The following PDGFC variants were observed in gnomAD, a reference collection of about 807,000 sequenced individuals.
PDGFC encodes platelet derived growth factor C.
A neutral mutation model predicts 35.5 loss-of-function variants in PDGFC; 12 were observed. The ratio of observed to expected loss-of-function variants is 0.34; its 90% CI spans 0.22 to 0.55. The LOEUF (loss-of-function observed/expected upper bound fraction) is 0.55, where lower values mean the gene tolerates loss of function less well. Ranked by LOEUF, PDGFC falls within the 20% of genes least tolerant of loss-of-function variation. PDGFC has a pLI of 0.91. For missense variants in PDGFC, 322 were observed against 412.4 expected, an observed-to-expected ratio of 0.78 and a Z score of 1.90; for synonymous variants, 159 against 148.8, an observed-to-expected ratio of 1.07 and a Z score of -0.50.
At chr4:156,946,438 T>G (rs1021888082) in intron 1 of PDGFC, among the ~76,000 whole-genome samples, 4 of 152,084 alleles carry the variant, frequency 2.6e-5, no homozygotes, top group Admixed American at 1.3e-4. Context: ...TAAACAAGCA[T>G]GCTATAGTGA....
intron 1 of PDGFC, among the ~76,000 whole-genome samples, chr4:156,933,714 G>A (rs569349294): frequency 6.6e-6 from 1 of 152,242 alleles, no homozygotes; most frequent in South Asian, 2.1e-4. Flanking sequence ...CCTAGTGGGA[G>A]GTGACTGGAT....
In PDGFC at chr4:156,810,888, T is replaced by C. The variant is rs756039713; in HGVS notation, c.444A>G (p.Glu148=). ...AGAACCCTGGTTCAGAAGGAAAATA[T>C]TCATCAGATACAAATCTTATCCTAA... ...NQIRIRFVSD[E]YFPSEPGFCI... The change falls in exon 3 of 6, where the codon GAA becomes GAG. Residue 148 remains glutamate (E), a synonymous_variant. Coordinates refer to ENST00000502773, the MANE Select transcript of PDGFC (RefSeq NM_016205.3). 6.2e-7 allele frequency: 1 copy of C among 1,609,414 alleles called. No individual in the cohort carries two copies. The highest frequency in any genetic ancestry group is 8.5e-7 in the Non-Finnish European group (1 of 1,176,370).
intron 1 of PDGFC, among the ~76,000 whole-genome samples, chr4:156,937,383 CAAAG>C (rs1464177790): frequency 6.6e-6 from 1 of 152,008 alleles, no homozygotes; most frequent in Non-Finnish European, 1.5e-5. Context: ...AGTGAAGATT[CAAAG>C]AAATTACTTG....
At chr4:156,947,238 T>C (rs1731970361) in intron 1 of PDGFC, among the ~76,000 whole-genome samples, 1 of 152,014 alleles carries the variant, frequency 6.6e-6, no homozygotes, top group Non-Finnish European at 1.5e-5. Context: ...TATGAACAGC[T>C]GTGGTTCTGT....
chr4:156,911,782 A>T (rs115189884), intron 1 of PDGFC, among the ~76,000 whole-genome samples: 275 of 152,254 alleles, frequency 1.8e-3, no homozygotes, highest in African/African-American at 5.8e-3. Flanking sequence ...AAGACATCTA[A>T]ATAGTGGAGT....
chr4:156,836,396 T>A (rs79258004), intron 2 of PDGFC, among the ~76,000 whole-genome samples: 2 of 152,212 alleles, frequency 1.3e-5, no homozygotes, highest in African/African-American at 4.8e-5. Flanking sequence ...TAAATGAGGA[T>A]CTTTTCATAA....
intron 5 of PDGFC, among the ~76,000 whole-genome samples, 157 bp from the exon 6 acceptor site, chr4:156,763,363 CAAAAAA>C (rs33986749): frequency 3.1e-5 from 3 of 97,158 alleles, no homozygotes; most frequent in Admixed American, 2.2e-4. Flanking sequence ...ACTCTCCCAC[CAAAAAA>C]AAAAAAAAAA....
chr4:156,944,638 T>C (rs940847054), intron 1 of PDGFC, among the ~76,000 whole-genome samples: 4 of 152,118 alleles, frequency 2.6e-5, no homozygotes, highest in African/African-American at 9.7e-5. Flanking sequence ...GTCCCACAGG[T>C]GGCACCTTCA....
At chr4:156,968,397 A>C (rs1393763610) in intron 1 of PDGFC, among the ~76,000 whole-genome samples, 2 of 152,180 alleles carry the variant, frequency 1.3e-5, no homozygotes, top group East Asian at 1.9e-4. Context: ...GTTCGTATTT[A>C]CAGGACTGTA....
In PDGFC at chr4:156,779,956, T is replaced by A. The variant is rs114891230; in HGVS notation, c.496-7063A>T. On this transcript the variant is annotated intron_variant, in intron 3 of 5. Coordinates refer to ENST00000502773, the MANE Select transcript of PDGFC (RefSeq NM_016205.3). ...AGCAGGCTCATTGTTGGCTGGTGAG[T>A]CAGAGTCAATACACAGTTTCCCACT... Among the ~76,000 whole-genome samples, 1,126 of 152,158 alleles carry A rather than the reference T, an allele frequency of 7.4e-3. 10 individuals are homozygous for A. Among genetic ancestry groups the A allele is most frequent in the African/African-American group, 0.026 (1,083 of 41,506 alleles).
chr4:156,778,027 C>T (rs1383338193), intron 3 of PDGFC, among the ~76,000 whole-genome samples: 2 of 152,008 alleles, frequency 1.3e-5, no homozygotes, highest in African/African-American at 4.8e-5. Flanking sequence ...TCACTTGAAC[C>T]CAGGAGGCGG....
chr4:156,813,165 C>T (rs1731986972), intron 2 of PDGFC, among the ~76,000 whole-genome samples: 1 of 151,914 alleles, frequency 6.6e-6, no homozygotes, highest in South Asian at 2.1e-4. Context: ...TCATTTTTAT[C>T]GAATGGTAAT....
chr4:156,778,142 G>A, intron 3 of PDGFC: 1 of 276,838 alleles, frequency 3.6e-6, no homozygotes, highest in Non-Finnish European at 7.6e-6. Context: ...TAAGGCAAAT[G>A]AACAAAAGTA....
In PDGFC at chr4:156,865,540, T is replaced by C. The variant is rs545042715; in HGVS notation, c.119-15124A>G. 3.9e-5 allele frequency among the ~76,000 whole-genome samples: 6 copies of C among 152,310 alleles called. No individual in the cohort carries two copies. In the East Asian group the frequency reaches 7.7e-4, roughly 20 times the overall value. ...AAAAGCTGTTAACAATTTGGGGCCA[T>C]CTAGAATGAGCCAGAAACTGTTAGT... On this transcript the variant is annotated intron_variant, in intron 1 of 5. Transcript: ENST00000502773.
chr4:156,865,493 A>G (rs1271519071), intron 1 of PDGFC, among the ~76,000 whole-genome samples: 5 of 152,322 alleles, frequency 3.3e-5, no homozygotes, highest in Middle Eastern at 3.4e-3. Flanking sequence ...ATTTACTCCA[A>G]TAGTTTTTAA....
intron 1 of PDGFC, among the ~76,000 whole-genome samples, chr4:156,852,892 A>C (rs1729489205): frequency 6.6e-6 from 1 of 152,192 alleles, no homozygotes; most frequent in Non-Finnish European, 1.5e-5. Context: ...CAAGGAAATG[A>C]ACAACTCAGT....
At chr4:156,833,064 AT>A (rs1728983129) in intron 2 of PDGFC, among the ~76,000 whole-genome samples, 2 of 152,182 alleles carry the variant, frequency 1.3e-5, no homozygotes, top group South Asian at 4.1e-4. Context: ...CAAGTGGTGA[AT>A]TTCTGAAGGC....
chr4:156,798,709 T>C (rs1731514942), intron 3 of PDGFC, among the ~76,000 whole-genome samples: 2 of 152,222 alleles, frequency 1.3e-5, no homozygotes, highest in Admixed American at 1.3e-4. Flanking sequence ...ACTCAGGTAT[T>C]GAAAGTCAAG....
At chr4:156,967,730 C>T (rs2110990399) in intron 1 of PDGFC, 2 of 152,274 alleles carry the variant, frequency 1.3e-5, no homozygotes, top group South Asian at 4.1e-4. Flanking sequence ...AATCATTCCA[C>T]AATAGGCATT....
Sources: allele counts gnomAD v4.1 joint callset (sites outside exome capture counted in the v4.1 genomes callset), GRCh38; gene constraint gnomAD v4.1.1; transcripts MANE v1.5; gene names NCBI Gene and HGNC (gene_info 2026-07-23, HGNC 2026-07-21).